ANKRD55: variants seen among roughly 807,000 people sequenced by gnomAD.
The protein encoded by ANKRD55 is ankyrin repeat domain 55.
In ANKRD55, 41 loss-of-function variants were observed where a neutral mutation model predicts 60.6. The ratio of observed to expected loss-of-function variants is 0.68; its 90% CI spans 0.53 to 0.88. ANKRD55 has a LOEUF of 0.88. ANKRD55 is among the 40% of genes least tolerant of loss of function. The pLI, the probability that ANKRD55 is intolerant of heterozygous loss-of-function variation, is 0.00. For missense variants in ANKRD55, 732 were observed against 767.6 expected (o/e 0.95, Z 0.55); for synonymous variants, 264 against 290.3 (o/e 0.91, Z 0.92).
Position 56,111,469 on chromosome 5 carries a change from T to C in ANKRD55, c.1279A>G (p.Lys427Glu). 7 of 1,614,190 alleles carry C rather than the reference T, an allele frequency of 4.3e-6. No individual in the cohort carries two copies. Among genetic ancestry groups the C allele is most frequent in the Non-Finnish European group, 5.9e-6 (7 of 1,180,028 alleles). Residue 427 changes from lysine (K) to glutamate (E), a missense_variant, in exon 10 of 12, where the codon AAG becomes GAG. Lys to Glu is a moderately conservative substitution (Grantham distance 56). Coordinates refer to ENST00000341048, the MANE Select transcript of ANKRD55 (RefSeq NM_024669.3). ...LLPEKKPLAR[K>E]GLPPIRTQSL... Reference sequence around the variant, plus strand: ...TGCGTTCTGATTGGTGGAAGCCCCTTACGGGCCAGCGGTTTCTTTTCTGGT... The same window carrying C: ...TGCGTTCTGATTGGTGGAAGCCCCTCACGGGCCAGCGGTTTCTTTTCTGGT...
intron 7 of ANKRD55, among the ~76,000 whole-genome samples, chr5:56,139,474 G>C (rs1229653572): frequency 5.3e-5 from 8 of 152,256 alleles, no homozygotes; most frequent in Admixed American, 1.3e-4. Flanking sequence ...CACTTAGTTG[G>C]GCTTTGAGAA....
At chr5:56,225,853 G>A (rs1260206578) in intron 2 of ANKRD55, among the ~76,000 whole-genome samples, 2 of 152,134 alleles carry the variant, frequency 1.3e-5, no homozygotes, top group African/African-American at 4.8e-5. Context: ...ACAAATGGAA[G>A]AACATTCCAT....
At chr5:56,166,091 T>TTTCTTTCTTTCTTTCTTTC (rs1561277580) in intron 5 of ANKRD55, among the ~76,000 whole-genome samples, 12 of 18,852 alleles carry the variant, frequency 6.4e-4, no homozygotes, top group Non-Finnish European at 1.2e-3. Context: ...TTTCTTTTTC[T>TTTCTTTCTTTCTTTCTTTC]TTCTTTCTTT....
chr5:56,126,542 C>A (rs1283315345), intron 8 of ANKRD55, among the ~76,000 whole-genome samples: 1 of 151,802 alleles, frequency 6.6e-6, no homozygotes, highest in African/African-American at 2.4e-5. Flanking sequence ...CTATTATGTT[C>A]TTCTCTGGAT....
At chr5:56,176,838 A>G (rs1419566245) in intron 3 of ANKRD55, among the ~76,000 whole-genome samples, 1 of 152,202 alleles carries the variant, frequency 6.6e-6, no homozygotes, top group Admixed American at 6.6e-5. Flanking sequence ...AAAAATAGAG[A>G]TGAAATTACA....
Position 56,184,187 on chromosome 5 carries a change from A to G in ANKRD55, c.59-553T>C, listed in dbSNP as rs1055324944. Among the ~76,000 whole-genome samples the G allele has an allele frequency of 3.3e-5, 5 of 152,168 alleles. No individual in the cohort carries two copies. The East Asian group carries it at 9.6e-4, about 29-fold the overall frequency. On this transcript the variant is annotated intron_variant, in intron 2 of 11. Transcript: ENST00000341048. ...CATGAGAGGCACGGGCAGGAGCCTGATGGGGAGAAGAGAGAGATGGGACAT... is the reference window on the plus strand; with the variant it reads ...CATGAGAGGCACGGGCAGGAGCCTGGTGGGGAGAAGAGAGAGATGGGACAT...
chr5:56,146,934 T>C (rs542225296), intron 6 of ANKRD55: 2 of 152,314 alleles, frequency 1.3e-5, no homozygotes, highest in Middle Eastern at 3.4e-3. Context: ...GAAAATGTGG[T>C]TGTGAATTAA....
In ANKRD55 at chr5:56,145,260, C is replaced by T. The variant is rs1383368432; in HGVS notation, c.484-1331G>A. 2.0e-5 allele frequency among the ~76,000 whole-genome samples: 3 copies of T among 152,242 alleles called. No individual in the cohort carries two copies. In the East Asian group the frequency reaches 5.8e-4, roughly 29 times the overall value. On this transcript the variant is annotated intron_variant, in intron 6 of 11. Coordinates refer to ENST00000341048, the MANE Select transcript of ANKRD55 (RefSeq NM_024669.3). ...TCCCCTAGGGCACACAGTCAAACTA[C>T]ATTCCCCAGCCTCCTTGCAGATAGG...
chr5:56,165,885 C>T (rs779804063), intron 5 of ANKRD55, among the ~76,000 whole-genome samples: 7 of 152,026 alleles, frequency 4.6e-5, no homozygotes, highest in Admixed American at 1.3e-4. Flanking sequence ...GCCAAGATTA[C>T]GCCTTTACGC....
At chr5:56,133,096 T>C (rs1757468159) in intron 7 of ANKRD55, among the ~76,000 whole-genome samples, 2 of 152,144 alleles carry the variant, frequency 1.3e-5, no homozygotes, top group African/African-American at 4.8e-5. Flanking sequence ...CTATCAGAAA[T>C]GGACAGATCC....
intron 7 of ANKRD55, among the ~76,000 whole-genome samples, chr5:56,132,424 C>CAAAAAAAAAAAAAAAA (rs34289990): frequency 8.3e-6 from 1 of 120,370 alleles, no homozygotes; most frequent in African/African-American, 3.6e-5. Context: ...ACTTAAAATA[C>CAAAAAAAAAAAAAAAA]AAAAAAAAAA....
At chr5:56,165,766 C>G (rs1371025797) in intron 5 of ANKRD55, among the ~76,000 whole-genome samples, 1 of 152,048 alleles carries the variant, frequency 6.6e-6, no homozygotes, top group Non-Finnish European at 1.5e-5. Context: ...CCCATCTCTA[C>G]TAAAAATACA....
rs1554040812 is a variant in ANKRD55 at position 56,166,158 on chromosome 5, T to TTTCTTTCTTTCTTTCTTTCTTCCTTCC, written c.422+4535_422+4536insGGAAGGAAGAAAGAAAGAAAGAAAGAA. On this transcript the variant is annotated intron_variant, in intron 5 of 11. Transcript: ENST00000341048. ...TCTTTCTTTCTTTCTTTCTTTCTTC[T>TTTCTTTCTTTCTTTCTTTCTTCCTTCC]TTCCTTCCTTCCTTCCTTCCTTCCT... Among the ~76,000 whole-genome samples, 111 of 72,452 alleles carry TTTCTTTCTTTCTTTCTTTCTTCCTTCC rather than the reference T, an allele frequency of 1.5e-3. 5 individuals carry two copies. The highest frequency in any genetic ancestry group is 4.0e-3 in the South Asian group (9 of 2,224). 47.5% of individuals were successfully genotyped at this position (72,452 alleles called of 152,430 possible).
chr5:56,160,840 G>A (rs1224693898), intron 5 of ANKRD55: 2 of 152,238 alleles, frequency 1.3e-5, no homozygotes, highest in East Asian at 1.9e-4. Flanking sequence ...ATCTGGGAGA[G>A]GGGGGCAGCC....
intron 7 of ANKRD55, among the ~76,000 whole-genome samples, chr5:56,135,343 CTTTCTTTCTTTCT>C (rs771418180): frequency 0.06 from 1,356 of 22,630 alleles, 123 homozygotes; most frequent in African/African-American, 0.09. Context: ...TTCTTTCTTT[CTTTCTTTCTTTCT>C]TTCTTTCTTT....
intron 8 of ANKRD55, among the ~76,000 whole-genome samples, chr5:56,117,496 C>T (rs1476439704): frequency 1.3e-5 from 2 of 151,908 alleles, no homozygotes; most frequent in African/African-American, 2.4e-5. Context: ...CTCTGTCATC[C>T]AGGCTGGAGT....
chr5:56,111,854 AC>A, intron 9 of ANKRD55, 72 bp from the exon 10 acceptor site: 1 of 1,331,502 alleles, frequency 7.5e-7, no homozygotes. Flanking sequence ...CGAAATACCG[AC>A]CCCCTATTCC....
intron 2 of ANKRD55, among the ~76,000 whole-genome samples, chr5:56,202,855 T>A (rs1759412150): frequency 6.6e-6 from 1 of 152,192 alleles, no homozygotes; most frequent in Non-Finnish European, 1.5e-5. Flanking sequence ...GTTGAGCATC[T>A]CTCCTGCATG....
intron 2 of ANKRD55, 123 bp from the exon 3 acceptor site, chr5:56,183,757 G>A (rs1446362196): frequency 3.8e-6 from 5 of 1,299,398 alleles, no homozygotes; most frequent in African/African-American, 1.5e-5. Flanking sequence ...CCAGGCAGAA[G>A]TCTGGGTCAT....
Sources: allele counts gnomAD v4.1 joint callset (sites outside exome capture counted in the v4.1 genomes callset), GRCh38; gene constraint gnomAD v4.1.1; transcripts MANE v1.5; gene names NCBI Gene and HGNC (gene_info 2026-07-23, HGNC 2026-07-21).